MCPH1: variants seen among roughly 807,000 people sequenced by gnomAD.
The protein encoded by MCPH1 is microcephalin 1.
Under a neutral mutation model 84.5 loss-of-function variants are expected in MCPH1, and 104 were observed. That is an observed-to-expected ratio of 1.23 (90% CI 1.05 to 1.45). MCPH1 has a LOEUF of 1.45. Ranked by LOEUF, MCPH1 falls within the 40% of genes most tolerant of loss-of-function variation. The pLI is 0.00. For synonymous variants in MCPH1, 514 were observed against 366.8 expected (o/e 1.40, Z -4.58); for missense variants, 1,498 against 1,005.7 (o/e 1.49, Z -6.62).
intron 13 of MCPH1, among the ~76,000 whole-genome samples, chr8:6,636,243 G>T (rs1046201075): frequency 6.6e-6 from 1 of 152,026 alleles, no homozygotes; most frequent in Non-Finnish European, 1.5e-5. Context: ...GGGAGGCTGA[G>T]GCAGGGGAAT....
intron 12 of MCPH1, chr8:6,502,400 T>C (rs1812361909): frequency 1.3e-5 from 2 of 152,246 alleles, no homozygotes; most frequent in African/African-American, 4.8e-5. Flanking sequence ...CACGTTTCTG[T>C]TGATAATTTC....
At chr8:6,562,361 A>G (rs1825663521) in intron 12 of MCPH1, among the ~76,000 whole-genome samples, 2 of 152,040 alleles carry the variant, frequency 1.3e-5, no homozygotes, top group South Asian at 4.2e-4. Flanking sequence ...GCAGGGAAGT[A>G]TATTTCCTCT....
At chr8:6,633,113 T>C (rs545422915) in intron 13 of MCPH1, among the ~76,000 whole-genome samples, 2 of 152,150 alleles carry the variant, frequency 1.3e-5, no homozygotes, top group South Asian at 4.1e-4. Context: ...AAATATTGAA[T>C]GGTGAAAACC....
At position 6,464,701 on chromosome 8, in the gene MCPH1, A is replaced by C. The variant is rs558186521; in HGVS notation, c.1935+9449A>C. Among the ~76,000 whole-genome samples, 45 of 152,328 alleles carry C rather than the reference A, an allele frequency of 3.0e-4. 1 individual carries two copies. The highest frequency in any genetic ancestry group is 2.1e-4 in the Non-Finnish European group (14 of 68,024). On this transcript the variant is annotated intron_variant, in intron 9 of 13. Coordinates refer to ENST00000344683, the MANE Select transcript of MCPH1 (RefSeq NM_024596.5). ...AGGAGCTAGCCGAAGAAGTCTATTT[A>C]AGATCTGCTGCTTTGGCCAGGTGTG...
intron 9 of MCPH1, among the ~76,000 whole-genome samples, chr8:6,468,065 T>C (rs1016662347): frequency 2.6e-5 from 4 of 152,222 alleles, no homozygotes; most frequent in Non-Finnish European, 5.9e-5. Context: ...ATAAGGAGTT[T>C]CTGCCCTACA....
chr8:6,521,517 T>A, intron 12 of MCPH1: 1 of 830,564 alleles, frequency 1.2e-6, no homozygotes, highest in Non-Finnish European at 1.8e-6. Flanking sequence ...ATTGTAGTGG[T>A]TATAAAGTAA....
At chr8:6,466,102 G>A (rs1404571398) in intron 9 of MCPH1, among the ~76,000 whole-genome samples, 1 of 147,506 alleles carries the variant, frequency 6.8e-6, no homozygotes, top group Non-Finnish European at 1.5e-5. Context: ...CTACAGGCCC[G>A]TGCCACTACA....
In MCPH1 at chr8:6,606,007, T is replaced by A. The variant is rs780448184; in HGVS notation, c.2215-15447T>A. 2.2e-3 allele frequency among the ~76,000 whole-genome samples: 328 copies of A among 152,312 alleles called. 3 individuals carry two copies. Among genetic ancestry groups the A allele is most frequent in the Non-Finnish European group, 3.4e-3 (229 of 68,020 alleles). ...CCACCATGCCTGGCTTTGTAAAAAA[T>A]TTTTAAAGCCAATTTGCTTGTTTAA... On this transcript the variant is annotated intron_variant, in intron 12 of 13. Coordinates refer to ENST00000344683, the MANE Select transcript of MCPH1 (RefSeq NM_024596.5).
chr8:6,422,469 C>T (rs968604088), intron 3 of MCPH1, among the ~76,000 whole-genome samples: 2 of 152,130 alleles, frequency 1.3e-5, no homozygotes, highest in Non-Finnish European at 2.9e-5. Context: ...ATTTCTGTAC[C>T]TAATAGGGCC....
At chr8:6,426,329 A>G (rs1801056288) in intron 3 of MCPH1, among the ~76,000 whole-genome samples, 1 of 152,094 alleles carries the variant, frequency 6.6e-6, no homozygotes, top group African/African-American at 2.4e-5. Flanking sequence ...CTTCGTGTCC[A>G]TTTGCTGTCG....
chr8:6,445,459 G>T lies in MCPH1; in HGVS notation c.1737G>T (p.Gln579His). Residue 579 changes from glutamine (Q) to histidine (H), a missense_variant, in exon 8 of 14, where the codon CAG (glutamine) becomes CAT (histidine). Gln to His is a conservative substitution (Grantham distance 24). Coordinates refer to ENST00000344683, the MANE Select transcript of MCPH1 (RefSeq NM_024596.5). ...KISNSSEGEA[Q>H]SEHEPCFIVD... Reference sequence around the variant, plus strand: ...CAAACTCCTCTGAAGGCGAAGCCCAGAGTGAACATGAGCCATGTTTTATAG... The same window carrying T: ...CAAACTCCTCTGAAGGCGAAGCCCATAGTGAACATGAGCCATGTTTTATAG... 6.2e-7 allele frequency: 1 copy of T among 1,614,220 alleles called. No individual in the cohort carries two copies. Among genetic ancestry groups the T allele is most frequent in the Non-Finnish European group, 8.5e-7 (1 of 1,180,050 alleles).
chr8:6,431,074 C>T (rs1397762005), intron 3 of MCPH1, among the ~76,000 whole-genome samples: 2 of 152,144 alleles, frequency 1.3e-5, no homozygotes, highest in African/African-American at 4.8e-5. Context: ...AAAAGGACAA[C>T]CCAATTTTGG....
chr8:6,631,718 G>C (rs1308509502), intron 13 of MCPH1, among the ~76,000 whole-genome samples: 2 of 151,608 alleles, frequency 1.3e-5, no homozygotes, highest in African/African-American at 4.8e-5. Flanking sequence ...GGAACCTTGT[G>C]TCTGCCTCAT....
At chr8:6,585,285 C>A (rs1301556523) in intron 12 of MCPH1, among the ~76,000 whole-genome samples, 1 of 152,210 alleles carries the variant, frequency 6.6e-6, no homozygotes, top group Non-Finnish European at 1.5e-5. Context: ...ACACGTGAAG[C>A]AGGATCCGTG....
chr8:6,483,641 C>T (rs1304620074), intron 11 of MCPH1, among the ~76,000 whole-genome samples: 1 of 152,186 alleles, frequency 6.6e-6, no homozygotes, highest in Non-Finnish European at 1.5e-5. Context: ...GGGTGGATCA[C>T]CTGAGGTCAG....
At chr8:6,629,420 C>G (rs534751857) in intron 13 of MCPH1, among the ~76,000 whole-genome samples, 1 of 152,308 alleles carries the variant, frequency 6.6e-6, no homozygotes, top group East Asian at 1.9e-4. Context: ...CGTGATCCCA[C>G]CACTGCACTC....
At chr8:6,482,684 C>G (rs13267816) in intron 11 of MCPH1, among the ~76,000 whole-genome samples, 18,784 of 152,226 alleles carry the variant, frequency 0.12, 1,247 homozygotes, top group East Asian at 0.2. Flanking sequence ...GAGACCTGCT[C>G]CCTGGTTGTC....
chr8:6,532,294 C>G (rs778084529), intron 12 of MCPH1: 13 of 1,613,316 alleles, frequency 8.1e-6, no homozygotes, highest in Non-Finnish European at 1.1e-5. Flanking sequence ...TAGTCTCTAG[C>G]TGCAGGGACA....
At chr8:6,545,591 G>A (rs369250932) in intron 12 of MCPH1, among the ~76,000 whole-genome samples, 24 of 152,248 alleles carry the variant, frequency 1.6e-4, no homozygotes, top group South Asian at 4.2e-4. Flanking sequence ...ATGTATATTC[G>A]TAATCTGACA....
Sources: gnomAD v4.1 joint callset for allele counts (sites outside exome capture counted in the v4.1 genomes callset) on GRCh38, gnomAD v4.1.1 for gene constraint, MANE v1.5 for transcripts, NCBI Gene and HGNC (gene_info 2026-07-23, HGNC 2026-07-21) for gene names.